NKAIN2: variants seen among roughly 807,000 people sequenced by gnomAD.
The protein encoded by NKAIN2 is sodium/potassium-transporting ATPase subunit beta-1-interacting protein 2.
Under a neutral mutation model 32.6 loss-of-function variants are expected in NKAIN2, and 14 were observed. That is an observed-to-expected ratio of 0.43 (90% CI 0.28 to 0.67). The LOEUF (loss-of-function observed/expected upper bound fraction) is 0.67, where lower values mean the gene tolerates loss of function less well. Among genes scored for constraint, NKAIN2 ranks in the 30% least tolerant of loss-of-function variants. The probability of loss-of-function intolerance (pLI) is 0.17; values close to 1 mark genes in which losing one functional copy is unlikely to be tolerated. For missense variants in NKAIN2, 198 were observed against 258.3 expected (o/e 0.77, Z 1.60); for synonymous variants, 80 against 87.2 (o/e 0.92, Z 0.46).
chr6:124,731,101 A>G (rs1022105365), intron 4 of NKAIN2, among the ~76,000 whole-genome samples: 2 of 141,264 alleles, frequency 1.4e-5, no homozygotes, highest in Non-Finnish European at 3.1e-5. Flanking sequence ...GAACACTTCT[A>G]CACTGTTGGT....
chr6:124,704,275 C>T (rs1266998430), intron 4 of NKAIN2, among the ~76,000 whole-genome samples: 1 of 151,676 alleles, frequency 6.6e-6, no homozygotes, highest in Non-Finnish European at 1.5e-5. Flanking sequence ...CTGTTTAGAG[C>T]TTCCTAGAAA....
At chr6:123,978,727 C>T (rs1221260653) in intron 1 of NKAIN2, among the ~76,000 whole-genome samples, 2 of 152,142 alleles carry the variant, frequency 1.3e-5, no homozygotes, top group Non-Finnish European at 2.9e-5. Flanking sequence ...ACATATTAGA[C>T]ACTCACATAT....
intron 1 of NKAIN2, among the ~76,000 whole-genome samples, chr6:124,048,525 T>G (rs1782251443): frequency 6.6e-6 from 1 of 152,104 alleles, no homozygotes; most frequent in South Asian, 2.1e-4. Context: ...TTTTCTTTAA[T>G]GACTACTGTT....
chr6:124,009,580 A>G (rs1481838905), intron 1 of NKAIN2, among the ~76,000 whole-genome samples: 4 of 152,202 alleles, frequency 2.6e-5, no homozygotes, highest in Admixed American at 6.5e-5. Flanking sequence ...TCACGTTCCA[A>G]ATGGGTACTT....
chr6:124,746,640 C>T (rs1326056585), intron 4 of NKAIN2, among the ~76,000 whole-genome samples: 1 of 151,828 alleles, frequency 6.6e-6, no homozygotes, highest in African/African-American at 2.4e-5. Context: ...ATGTTTATCT[C>T]TGAATTGTGG....
intron 1 of NKAIN2, among the ~76,000 whole-genome samples, chr6:124,102,689 C>T (rs1784946827): frequency 6.6e-6 from 1 of 152,070 alleles, no homozygotes; most frequent in Non-Finnish European, 1.5e-5. Context: ...TGTGCTTCTT[C>T]GAAGAGCCCT....
chr6:124,460,117 C>CA (rs1377349607), intron 3 of NKAIN2, among the ~76,000 whole-genome samples: 1 of 151,630 alleles, frequency 6.6e-6, no homozygotes, highest in African/African-American at 2.4e-5. Flanking sequence ...TACATTACTA[C>CA]AAAATATTAT....
chr6:124,120,135 C>A (rs1247250450), intron 1 of NKAIN2, among the ~76,000 whole-genome samples: 1 of 152,056 alleles, frequency 6.6e-6, no homozygotes, highest in East Asian at 1.9e-4. Context: ...TTTCAGTTTC[C>A]AAGATAAGAG....
intron 1 of NKAIN2, among the ~76,000 whole-genome samples, chr6:124,015,700 C>A (rs913345808): frequency 4.6e-5 from 7 of 152,150 alleles, no homozygotes; most frequent in African/African-American, 1.7e-4. Flanking sequence ...ATAACATCTC[C>A]TTTGATACGT....
At chr6:124,796,567 C>G (rs1260786636) in intron 5 of NKAIN2, among the ~76,000 whole-genome samples, 1 of 152,050 alleles carries the variant, frequency 6.6e-6, no homozygotes, top group Non-Finnish European at 1.5e-5. Context: ...GGCTTCAGGG[C>G]TGTATTGCTG....
chr6:124,650,702 G>GC (rs1784339379), intron 3 of NKAIN2, among the ~76,000 whole-genome samples: 1 of 152,108 alleles, frequency 6.6e-6, no homozygotes, highest in South Asian at 2.1e-4. Flanking sequence ...CTCTTGTTAT[G>GC]CCCCACCTCC....
At chr6:124,753,173 G>C (rs1477201097) in intron 4 of NKAIN2, among the ~76,000 whole-genome samples, 2 of 152,076 alleles carry the variant, frequency 1.3e-5, no homozygotes. Flanking sequence ...CTGGCTTCAT[G>C]TTAGTGATTG....
At chr6:123,954,556 G>A (rs1582836423) in intron 1 of NKAIN2, among the ~76,000 whole-genome samples, 1 of 152,150 alleles carries the variant, frequency 6.6e-6, no homozygotes, top group African/African-American at 2.4e-5. Flanking sequence ...TTAGATGATT[G>A]TATTTGAAGT....
At chr6:124,346,826 C>CATTTA (rs1798448349) in intron 2 of NKAIN2, among the ~76,000 whole-genome samples, 2 of 151,858 alleles carry the variant, frequency 1.3e-5, no homozygotes, top group African/African-American at 4.8e-5. Context: ...AGCATTTAGT[C>CATTTA]CATTTACATT....
intron 3 of NKAIN2, among the ~76,000 whole-genome samples, chr6:124,435,831 T>C (rs1383905151): frequency 6.6e-6 from 1 of 152,188 alleles, no homozygotes; most frequent in Non-Finnish European, 1.5e-5. Flanking sequence ...TCCCAAAGCC[T>C]AACTAACATT....
At chr6:124,573,522 T>G (rs1461349456) in intron 3 of NKAIN2, among the ~76,000 whole-genome samples, 1 of 152,072 alleles carries the variant, frequency 6.6e-6, no homozygotes, top group Non-Finnish European at 1.5e-5. Context: ...TGGAGCCTTA[T>G]CTCCATCTAA....
intron 1 of NKAIN2, among the ~76,000 whole-genome samples, chr6:124,097,740 T>A (rs1489158527): frequency 2.0e-5 from 3 of 152,180 alleles, no homozygotes; most frequent in Non-Finnish European, 4.4e-5. Flanking sequence ...AATTGGCTGT[T>A]ATGAATTTAT....
At chr6:124,018,485 C>T (rs1354763277) in intron 1 of NKAIN2, among the ~76,000 whole-genome samples, 1 of 152,162 alleles carries the variant, frequency 6.6e-6, no homozygotes, top group Non-Finnish European at 1.5e-5. Context: ...CTTGTATGCT[C>T]TGCTTCCTAT....
At chr6:124,416,827 G>A (rs1479258977) in intron 3 of NKAIN2, among the ~76,000 whole-genome samples, 1 of 151,944 alleles carries the variant, frequency 6.6e-6, no homozygotes, top group Non-Finnish European at 1.5e-5. Flanking sequence ...AGATCTAGTG[G>A]GGAGCCTGAA....
Sources: gnomAD v4.1 joint callset for allele counts (sites outside exome capture counted in the v4.1 genomes callset) on GRCh38, gnomAD v4.1.1 for gene constraint, MANE v1.5 for transcripts, NCBI Gene and HGNC (gene_info 2026-07-23, HGNC 2026-07-21) for gene names.